EIF2B3: variants seen among roughly 807,000 people sequenced by gnomAD.
The protein encoded by EIF2B3 is eukaryotic translation initiation factor 2B subunit gamma.
A neutral mutation model predicts 54.1 loss-of-function variants in EIF2B3; 20 were observed. The ratio of observed to expected loss-of-function variants is 0.37; its 90% CI spans 0.26 to 0.54. The LOEUF (loss-of-function observed/expected upper bound fraction) is 0.54. Ranked by LOEUF, EIF2B3 falls within the 20% of genes least tolerant of loss-of-function variation. The pLI, the probability that EIF2B3 is intolerant of heterozygous loss-of-function variation, is 0.86. For synonymous variants in EIF2B3, 153 were observed against 188.1 expected, an observed-to-expected ratio of 0.81 and a Z score of 1.52; for missense variants, 448 against 547.8, an observed-to-expected ratio of 0.82 and a Z score of 1.82.
chr1:44,902,865 C>T (rs1643341199), intron 5 of EIF2B3, among the ~76,000 whole-genome samples: 1 of 142,378 alleles, frequency 7.0e-6, no homozygotes, highest in Non-Finnish European at 1.5e-5. Flanking sequence ...AAGAAAGCTC[C>T]CAAAGAAGCG....
chr1:44,972,500 GGTGAGGCAGGA>G (rs1490601394), intron 3 of EIF2B3: 1 of 152,458 alleles, frequency 6.6e-6, no homozygotes, highest in Non-Finnish European at 1.5e-5. Flanking sequence ...TACTCAGGAA[GGTGAGGCAGGA>G]GAATCGCTTG....
chr1:44,875,751 C>A, intron 8 of EIF2B3, 56 bp from the exon 9 acceptor site: 1 of 1,318,212 alleles, frequency 7.6e-7, no homozygotes, highest in Non-Finnish European at 1.1e-6. Context: ...GTAGCTCTCC[C>A]TCTCCCTCTC....
At chr1:44,901,177 G>A (rs1053672083) in intron 5 of EIF2B3, among the ~76,000 whole-genome samples, 1 of 151,770 alleles carries the variant, frequency 6.6e-6, no homozygotes, top group Non-Finnish European at 1.5e-5. Flanking sequence ...GTGGAATGGC[G>A]TGATCTCGGC....
intron 5 of EIF2B3, among the ~76,000 whole-genome samples, chr1:44,919,222 C>T (rs1378276224): frequency 1.3e-5 from 2 of 151,970 alleles, no homozygotes; most frequent in African/African-American, 2.4e-5. Context: ...TGGTGGCACA[C>T]GCCTGTAATC....
At chr1:44,913,249 C>A (rs2148923741) in intron 5 of EIF2B3, among the ~76,000 whole-genome samples, 1 of 150,618 alleles carries the variant, frequency 6.6e-6, no homozygotes, top group Non-Finnish European at 1.5e-5. Flanking sequence ...TTCTGAAATA[C>A]AAAAAAACTC....
chr1:44,920,316 C>A (rs945680895), intron 5 of EIF2B3, among the ~76,000 whole-genome samples: 1 of 151,984 alleles, frequency 6.6e-6, no homozygotes, highest in African/African-American at 2.4e-5. Context: ...GCATGCAATA[C>A]GTAATAATCA....
chr1:44,888,382 C>T (rs922608122), intron 6 of EIF2B3, among the ~76,000 whole-genome samples: 2 of 152,050 alleles, frequency 1.3e-5, no homozygotes, highest in Admixed American at 6.6e-5. Flanking sequence ...CAAGCAGGGT[C>T]GCTAGGGCCG....
chr1:44,919,663 G>C (rs1417608687), intron 5 of EIF2B3, among the ~76,000 whole-genome samples: 1 of 150,876 alleles, frequency 6.6e-6, no homozygotes, highest in Admixed American at 6.6e-5. Flanking sequence ...TGTTAGCCTG[G>C]AATCTCCCTT....
rs561561823 is a variant in EIF2B3, at chr1:44,929,686, G to A, written c.455-2947C>T. 7.9e-5 allele frequency among the ~76,000 whole-genome samples: 12 copies of A among 152,306 alleles called. No individual in the cohort carries two copies. The East Asian group carries it at 1.7e-3, about 22-fold the overall frequency. On this transcript the variant is annotated intron_variant, in intron 4 of 11. Coordinates refer to ENST00000360403, the MANE Select transcript of EIF2B3 (RefSeq NM_020365.5). ...CATTTAACAAAAGAAACACGGAGATGTTATTTTTGGATATAATTTGGAATG... is the reference window on the plus strand; with the variant it reads ...CATTTAACAAAAGAAACACGGAGATATTATTTTTGGATATAATTTGGAATG...
At chr1:44,964,905 C>T (rs1168407995) in intron 3 of EIF2B3, among the ~76,000 whole-genome samples, 2 of 152,194 alleles carry the variant, frequency 1.3e-5, no homozygotes, top group African/African-American at 4.8e-5. Flanking sequence ...AAATATACCT[C>T]ACTAACTTGT....
chr1:44,980,844 T>C (rs1364930207), intron 2 of EIF2B3, among the ~76,000 whole-genome samples, 177 bp downstream of exon 2: 1 of 152,064 alleles, frequency 6.6e-6, no homozygotes, highest in Admixed American at 6.6e-5. Flanking sequence ...CAACACTTAG[T>C]GCTATCCTCT....
At chr1:44,967,488 C>A (rs1644355296) in intron 3 of EIF2B3, among the ~76,000 whole-genome samples, 1 of 151,544 alleles carries the variant, frequency 6.6e-6, no homozygotes, top group South Asian at 2.1e-4. Context: ...TGCCTGTAAT[C>A]CCAGCACTTT....
At chr1:44,899,978 T>G (rs1003355175) in intron 5 of EIF2B3, among the ~76,000 whole-genome samples, 1 of 152,202 alleles carries the variant, frequency 6.6e-6, no homozygotes, top group Admixed American at 6.5e-5. Flanking sequence ...TAGTGCAATA[T>G]ATATCATGAA....
At chr1:44,864,760 C>T (rs1203174030) in intron 10 of EIF2B3, among the ~76,000 whole-genome samples, 1 of 152,140 alleles carries the variant, frequency 6.6e-6, no homozygotes, top group East Asian at 1.9e-4. Context: ...ACTTCTGATG[C>T]TTTTACATAG....
chr1:44,867,656 T>A (rs1354576024), intron 10 of EIF2B3, among the ~76,000 whole-genome samples: 2 of 152,042 alleles, frequency 1.3e-5, no homozygotes, highest in African/African-American at 4.8e-5. Context: ...CCGTAAGTAA[T>A]TAAAATTAAG....
chr1:44,979,474 CA>C (rs34452633), intron 2 of EIF2B3, among the ~76,000 whole-genome samples: 2,646 of 55,984 alleles, frequency 0.047, 68 homozygotes, highest in African/African-American at 0.16. Flanking sequence ...CTGTCTCTGC[CA>C]AAAAAAAAAA....
At chr1:44,868,423 A>G (rs939861172) in intron 10 of EIF2B3, among the ~76,000 whole-genome samples, 3 of 144,822 alleles carry the variant, frequency 2.1e-5, no homozygotes, top group Non-Finnish European at 4.5e-5. Flanking sequence ...AAAAAAAAAG[A>G]AAGCTGTAGT....
chr1:44,968,046 A>G (rs1356100372), intron 3 of EIF2B3, among the ~76,000 whole-genome samples: 1 of 147,922 alleles, frequency 6.8e-6, no homozygotes, highest in Non-Finnish European at 1.5e-5. Flanking sequence ...TTGAAAATAA[A>G]TAAATAAAAA....
chr1:44,918,742 T>C (rs1643678274), intron 5 of EIF2B3, among the ~76,000 whole-genome samples: 1 of 152,222 alleles, frequency 6.6e-6, no homozygotes, highest in South Asian at 2.1e-4. Context: ...AGGAATAATC[T>C]GATTTTCCAT....
Sources: allele counts gnomAD v4.1 joint callset (sites outside exome capture counted in the v4.1 genomes callset), GRCh38; gene constraint gnomAD v4.1.1; transcripts MANE v1.5; gene names NCBI Gene and HGNC (gene_info 2026-07-23, HGNC 2026-07-21).